Variants in ANK1 observed in about 807,000 individuals in gnomAD.
The protein encoded by ANK1 is ankyrin-1.
In ANK1, 51 loss-of-function variants were observed where a neutral mutation model predicts 210.4. That is an observed-to-expected ratio of 0.24 (90% CI 0.19 to 0.31). The LOEUF (loss-of-function observed/expected upper bound fraction) is 0.31, where lower values mean the gene tolerates loss of function less well. Among genes scored for constraint, ANK1 ranks in the 10% least tolerant of loss-of-function variants. The probability of loss-of-function intolerance (pLI) is 1.00; values close to 1 mark genes in which losing one functional copy is unlikely to be tolerated. For missense variants in ANK1, 2,051 were observed against 2,504.4 expected (o/e 0.82, Z 3.86); for synonymous variants, 967 against 1,025.9 (o/e 0.94, Z 1.10).
chr8:41,668,482 G>T lies in ANK1; in HGVS notation c.5179C>A (p.Gln1727Lys), dbSNP rs1811250067. Reference sequence around the variant, plus strand: ...GTTCCCTGGAATGAGTGTGGACCTTGCGTGACCTCCTCTTGCCAGGAACCT... The same window carrying T: ...GTTCCCTGGAATGAGTGTGGACCTTTCGTGACCTCCTCTTGCCAGGAACCT... ...AQGSWQEEVT[Q>K]GPHSFQGTST... The change falls in exon 39 of 43, where the codon CAA becomes AAA. Residue 1727 changes from glutamine to lysine, a missense_variant. By Grantham distance (53) the Gln-to-Lys change is moderately conservative. Coordinates refer to ENST00000289734, the MANE Select transcript of ANK1 (RefSeq NM_000037.4). The T allele has an allele frequency of 6.8e-6, 11 of 1,614,184 alleles. No homozygotes were observed. The highest frequency in any genetic ancestry group is 9.3e-6 in the Non-Finnish European group (11 of 1,180,024).
At chr8:41,754,838 T>G (rs1838698046) in intron 2 of ANK1, among the ~76,000 whole-genome samples, 1 of 152,222 alleles carries the variant, frequency 6.6e-6, no homozygotes, top group African/African-American at 2.4e-5. Flanking sequence ...GCAACCAGAA[T>G]GAGGTTCAGG....
At chr8:41,828,832 G>A (rs1484735233) in intron 1 of ANK1, 3 of 152,256 alleles carry the variant, frequency 2.0e-5, no homozygotes, top group African/African-American at 4.8e-5. Flanking sequence ...AGAGAGTTGG[G>A]CCTGGGAGGC....
Position 41,686,217 on chromosome 8 carries a change from G to T in ANK1, c.4325C>A (p.Ser1442Tyr). 6.2e-7 allele frequency: 1 copy of T among 1,614,204 alleles called. No individual in the cohort carries two copies. Among genetic ancestry groups the T allele is most frequent in the Non-Finnish European group, 8.5e-7 (1 of 1,180,046 alleles). ...CAAGGCCACACTCTGCTCCAACAGG[G>T]AGTTGGGATTTTCCACTCGGATCCT... is the stretch of plus-strand genomic sequence containing the variant. ...INRIRVENPN[S>Y]LLEQSVALLN... is the part of the protein sequence containing the mutation. The change falls in exon 36 of 43, where the codon TCC (serine) becomes TAC (tyrosine). Residue 1442 changes from serine (S) to tyrosine (Y), a missense_variant. Transcript: ENST00000289734.
At chr8:41,660,947 T>G (rs905089669) in intron 42 of ANK1, 5 of 278,530 alleles carry the variant, frequency 1.8e-5, no homozygotes, top group African/African-American at 1.1e-4. Flanking sequence ...GTCCACTGCT[T>G]TCTAGATCCC....
At chr8:41,681,273 C>T (rs373507635) in intron 37 of ANK1, among the ~76,000 whole-genome samples, 4 of 152,214 alleles carry the variant, frequency 2.6e-5, no homozygotes, top group Admixed American at 6.5e-5. Flanking sequence ...GGAACTCACA[C>T]GGGTGTGAGA....
chr8:41,848,720 T>C (rs1040096750), intron 1 of ANK1, among the ~76,000 whole-genome samples: 3 of 152,276 alleles, frequency 2.0e-5, no homozygotes, highest in Non-Finnish European at 4.4e-5. Flanking sequence ...GCCCCAGGTC[T>C]GGACAGCTGA....
chr8:41,782,728 C>T (rs551055426), intron 1 of ANK1, among the ~76,000 whole-genome samples: 1 of 152,308 alleles, frequency 6.6e-6, no homozygotes, highest in South Asian at 2.1e-4. Context: ...TCATCTTATG[C>T]ATTTGGAGTT....
chr8:41,803,085 G>GGGAAGGGAAGGGAAGGGAAGGA (rs1563811160), intron 1 of ANK1, among the ~76,000 whole-genome samples: 2 of 60,034 alleles, frequency 3.3e-5, no homozygotes, highest in South Asian at 7.1e-4. Context: ...GGAAGGAAGG[G>GGGAAGGGAAGGGAAGGGAAGGA]AAGGAAAGGA....
At chr8:41,677,140 T>C (rs1358868345) in intron 37 of ANK1, among the ~76,000 whole-genome samples, 1 of 152,204 alleles carries the variant, frequency 6.6e-6, no homozygotes, top group Non-Finnish European at 1.5e-5. Flanking sequence ...TGTCATAATA[T>C]CCCTTTATTG....
chr8:41,837,764 A>G (rs1421929931), intron 1 of ANK1, among the ~76,000 whole-genome samples: 1 of 152,128 alleles, frequency 6.6e-6, no homozygotes, highest in Admixed American at 6.5e-5. Context: ...CCAGCTACTC[A>G]GGAGGCTGAG....
At chr8:41,800,753 A>G (rs1490298876), upstream of ANK1, among the ~76,000 whole-genome samples, 2 of 152,092 alleles carry the variant, frequency 1.3e-5, no homozygotes, top group Non-Finnish European at 2.9e-5. Context: ...TTGAGACGGC[A>G]TCTCGCTCTG....
chr8:41,784,435 T>C (rs1845949044), intron 1 of ANK1, among the ~76,000 whole-genome samples: 1 of 152,232 alleles, frequency 6.6e-6, no homozygotes, highest in African/African-American at 2.4e-5. Context: ...TGAACGTTAG[T>C]ATATTAAGTA....
chr8:41,773,190 G>A (rs1843294619), intron 1 of ANK1, among the ~76,000 whole-genome samples: 1 of 152,036 alleles, frequency 6.6e-6, no homozygotes, highest in African/African-American at 2.4e-5. Context: ...AGGTGTCCTG[G>A]GCACCCGGCC....
At chr8:41,868,741 C>A (rs1044602046) in intron 1 of ANK1, among the ~76,000 whole-genome samples, 3 of 152,226 alleles carry the variant, frequency 2.0e-5, no homozygotes, top group African/African-American at 7.2e-5. Context: ...TGCATCAAAA[C>A]TATTCCCTTC....
intron 36 of ANK1, 87 bp from the exon 37 acceptor site, chr8:41,684,777 G>A (rs1280515210): frequency 1.5e-5 from 22 of 1,512,734 alleles, no homozygotes; most frequent in Non-Finnish European, 1.6e-5. Context: ...GGATGAAGAT[G>A]GAGAAAGGAG....
intron 2 of ANK1, among the ~76,000 whole-genome samples, chr8:41,742,656 G>A (rs891411904): frequency 6.6e-6 from 1 of 152,198 alleles, no homozygotes; most frequent in Non-Finnish European, 1.5e-5. Flanking sequence ...CCAATGATTG[G>A]TCGAGCCAGG....
At chr8:41,686,429 G>A in intron 35 of ANK1, 146 bp from the exon 36 acceptor site, 2 of 984,168 alleles carry the variant, frequency 2.0e-6, no homozygotes, top group Non-Finnish European at 1.6e-6. Flanking sequence ...CTGTGGGTTT[G>A]GTCTTCCTTC....
chr8:41,775,636 T>C (rs1331773564), intron 1 of ANK1, among the ~76,000 whole-genome samples: 1 of 152,122 alleles, frequency 6.6e-6, no homozygotes, highest in Non-Finnish European at 1.5e-5. Context: ...TCCCAGCACT[T>C]TGGGAGGTTG....
intron 18 of ANK1, among the ~76,000 whole-genome samples, chr8:41,705,260 C>G (rs1415679451): frequency 6.6e-6 from 1 of 152,184 alleles, no homozygotes. Context: ...AGATCCTCCC[C>G]ATAATGGGAT....
Sources: allele counts gnomAD v4.1 joint callset (sites outside exome capture counted in the v4.1 genomes callset), GRCh38; gene constraint gnomAD v4.1.1; transcripts MANE v1.5; gene names NCBI Gene and HGNC (gene_info 2026-07-23, HGNC 2026-07-21).